PERM1: variants seen among roughly 807,000 people sequenced by gnomAD.
PERM1 encodes the protein PPARGC1 and ESRR induced regulator, muscle 1, also known as PGC-1 and ERR-induced regulator in muscle protein 1.
PERM1 carries 45 observed loss-of-function variants against 44.1 expected under a neutral mutation model. That is an observed-to-expected ratio of 1.02 (90% CI 0.80 to 1.31). PERM1 has a LOEUF of 1.31. Among genes scored for constraint, PERM1 ranks in the 50% most tolerant of loss-of-function variants. The probability of loss-of-function intolerance (pLI) is 0.00; values close to 1 mark genes in which losing one functional copy is unlikely to be tolerated. For synonymous variants in PERM1, 565 were observed against 477.1 expected (o/e 1.18, Z -2.40); for missense variants, 1,189 against 1,106.9 (o/e 1.07, Z -1.05).
intron 2 of PERM1, 79 bp downstream of exon 3, chr1:976,420 C>T: frequency 1.3e-6 from 2 of 1,543,450 alleles, no homozygotes; most frequent in Non-Finnish European, 1.7e-6. Context: ...GCCCCGGGGC[C>T]CCCGTGCACC....
exon 1 of PERM1, chr1:979,555 GCGGGTGCCCCAGAGCAGCATC>G: frequency 6.5e-7 from 1 of 1,549,996 alleles, no homozygotes; most frequent in Non-Finnish European, 8.7e-7. Context: ...GAGACCCAGT[GCGGGTGCCCCAGAGCAGCATC>G]CGGGGGCCCC....
At chr1:981,993 T>G, upstream of PERM1, 10 of 1,233,140 alleles carry the variant, frequency 8.1e-6, no homozygotes, top group Non-Finnish European at 9.5e-6. Context: ...TCTGGTCTCT[T>G]GAGAAGCCTC....
chr1:979,381 G>A (rs746450452), exon 1 of PERM1: 20 of 1,506,606 alleles, frequency 1.3e-5, no homozygotes, highest in South Asian at 6.6e-5. Context: ...AGGCTGGTGG[G>A]GCCGGGGCCC....
At chr1:979,235 C>T (rs777763550) in exon 1 of PERM1, 13 of 1,550,128 alleles carry the variant, frequency 8.4e-6, no homozygotes, top group Admixed American at 2.0e-5. Context: ...GCTGCCGCCT[C>T]AGCCTCTTCG....
At chr1:978,357 G>A (rs1158948257) in intron 1 of PERM1, among the ~76,000 whole-genome samples, 1 of 145,076 alleles carries the variant, frequency 6.9e-6, no homozygotes, top group Admixed American at 6.8e-5. Flanking sequence ...ACGTCTTCCT[G>A]AGAACTGGTT....
At chr1:980,428 G>A in exon 1 of PERM1, 1 of 1,547,968 alleles carries the variant, frequency 6.5e-7, no homozygotes, top group Non-Finnish European at 8.7e-7. Flanking sequence ...CGTCTGGGCA[G>A]AAGCAGAGGC....
chr1:979,929 C>A (rs1420772297), exon 1 of PERM1: 25 of 1,550,004 alleles, frequency 1.6e-5, no homozygotes, highest in Admixed American at 3.9e-5. Context: ...TGTCAGATTG[C>A]GGCTTGGAGG....
intron 1 of PERM1, 135 bp downstream of exon 2, chr1:978,746 C>T (rs968507387): frequency 2.9e-5 from 23 of 788,570 alleles, no homozygotes; most frequent in Middle Eastern, 3.9e-4. Flanking sequence ...TGACTGGGGG[C>T]TGGTCCCCAG....
rs553953341 is a variant in PERM1, at chr1:980,148, A to C, written c.882T>G (p.Ala294=). The change falls in exon 1 of 3, where the codon GCT becomes GCG. Residue 294 remains alanine, a synonymous_variant. Coordinates refer to ENST00000433179, the Ensembl canonical transcript of PERM1. ...GTGTAGACACAGCCATGTCTGACTT[A>C]GCCCTTGAGACATCTGGGAGGGCTT... 2.1e-5 allele frequency: 33 copies of C among 1,550,320 alleles called. No individual in the cohort carries two copies. In the Admixed American group the frequency reaches 3.1e-4, roughly 15 times the overall value.
intron 2 of PERM1, 47 bp downstream of exon 3, chr1:976,452 C>T (rs1387444463): frequency 2.6e-6 from 4 of 1,548,910 alleles, no homozygotes; most frequent in Admixed American, 3.9e-5. Flanking sequence ...CAGCGCCCCT[C>T]GGTCTGGCTT....
At chr1:978,442 T>C (rs1228743422) in intron 1 of PERM1, among the ~76,000 whole-genome samples, 1 of 152,208 alleles carries the variant, frequency 6.6e-6, no homozygotes, top group East Asian at 1.9e-4. Flanking sequence ...CCCGTGCTTC[T>C]TCTGCCTGAG....
chr1:976,251 CCGA>C, exon 3 of PERM1: 1 of 1,526,370 alleles, frequency 6.6e-7, no homozygotes, highest in Non-Finnish European at 8.8e-7. Context: ...AGAGATGGTG[CCGA>C]CGTTGGCCAG....
At chr1:976,539 C>T (rs750757349) in exon 2 of PERM1, 3 of 1,549,470 alleles carry the variant, frequency 1.9e-6, no homozygotes, top group South Asian at 1.2e-5. Flanking sequence ...CTGACGTCCT[C>T]ACAGCCCAGG....
chr1:981,987 G>T, upstream of PERM1: 1 of 1,199,120 alleles, frequency 8.3e-7, no homozygotes, highest in Non-Finnish European at 1.1e-6. Flanking sequence ...CTCCTCTCTG[G>T]TCTCTTGAGA....
chr1:976,315 G>T (rs1643604466), intron 2 of PERM1, 46 bp from the exon 4 acceptor site: 1 of 1,467,552 alleles, frequency 6.8e-7, no homozygotes, highest in Non-Finnish European at 9.0e-7. Context: ...CTGGCTGTCG[G>T]CACCGTCTGC....
chr1:981,087 G>C (rs1557661099), upstream of PERM1: 2 of 1,548,192 alleles, frequency 1.3e-6, no homozygotes, highest in African/African-American at 1.4e-5. Flanking sequence ...GTCTTCATGG[G>C]TTCAGGCCCC....
At position 979,016 on chromosome 1, in the gene PERM1, C is replaced by A. The variant is rs567468943; in HGVS notation, c.2014G>T (p.Gly672Cys). 3 of 1,535,952 alleles carry A rather than the reference C, an allele frequency of 2.0e-6. No individual in the cohort carries two copies. In the South Asian group the frequency reaches 3.6e-5, roughly 19 times the overall value. ...AGCGGGACAGCCGGCCCCAGCACGC[C>A]CTCAAGCCTGTCCTCCCCGAAGAAG... Residue 672 changes from glycine (G) to cysteine (C), a missense_variant, in exon 1 of 3, where the codon GGC becomes TGC. Transcript: ENST00000433179.
exon 1 of PERM1, chr1:979,820 G>A (rs553918278): frequency 4.5e-6 from 7 of 1,550,202 alleles, no homozygotes; most frequent in African/African-American, 1.4e-5. Flanking sequence ...TTGGAGGCAG[G>A]TGTGGACACA....
chr1:980,820 G>C, exon 1 of PERM1: 1 of 1,399,056 alleles, frequency 7.1e-7, no homozygotes. Context: ...AGCCCCGCCG[G>C]CTCCGCCCTC....
Sources: gnomAD v4.1 joint callset for allele counts (sites outside exome capture counted in the v4.1 genomes callset) on GRCh38, gnomAD v4.1.1 for gene constraint, MANE v1.5 for transcripts, NCBI Gene and HGNC (gene_info 2026-07-23, HGNC 2026-07-21) for gene names.